Variants in FOXP1 observed in about 807,000 individuals in gnomAD.
FOXP1 encodes forkhead box protein P1.
FOXP1 carries 15 observed loss-of-function variants against 98.2 expected under a neutral mutation model. The observed-to-expected ratio is 0.15, with a 90% CI of 0.10 to 0.24. The LOEUF is 0.24. FOXP1 is among the 10% of genes least tolerant of loss of function. The probability of loss-of-function intolerance (pLI) is 1.00; values close to 1 mark genes in which losing one functional copy is unlikely to be tolerated. For synonymous variants in FOXP1, 371 were observed against 314.5 expected, an observed-to-expected ratio of 1.18 and a Z score of -1.90; for missense variants, 633 against 848.5, an observed-to-expected ratio of 0.75 and a Z score of 3.15.
At chr3:71,010,833 C>G (rs922225843) in intron 12 of FOXP1, among the ~76,000 whole-genome samples, 1 of 141,216 alleles carries the variant, frequency 7.1e-6, no homozygotes, top group African/African-American at 2.6e-5. Flanking sequence ...ATAACCCCCC[C>G]TCCCCCCCCA....
chr3:71,555,869 T>C (rs2046088944), intron 2 of FOXP1, among the ~76,000 whole-genome samples: 1 of 147,264 alleles, frequency 6.8e-6, no homozygotes, highest in East Asian at 2.0e-4. Flanking sequence ...TACACTGAAA[T>C]ACAATTAAGA....
chr3:70,993,892 A>G (rs938509710), intron 13 of FOXP1, among the ~76,000 whole-genome samples: 2 of 151,796 alleles, frequency 1.3e-5, no homozygotes, highest in African/African-American at 2.4e-5. Context: ...TACTTGGGAG[A>G]CTGAGTCAGG....
Position 71,401,633 on chromosome 3 carries a change from A to G in FOXP1, c.-167-42389T>C, listed in dbSNP as rs536653777. On this transcript the variant is annotated intron_variant, in intron 3 of 20. Coordinates refer to ENST00000649528, the MANE Select transcript of FOXP1 (RefSeq NM_001349338.3). Reference sequence around the variant, plus strand: ...TAGCCTCTTAAAAGGGATGCGGGAGAGAGCACATGAACAGGTCTGTATGCA... The same window carrying G: ...TAGCCTCTTAAAAGGGATGCGGGAGGGAGCACATGAACAGGTCTGTATGCA... Among the ~76,000 whole-genome samples the G allele has an allele frequency of 4.2e-4, 64 of 152,242 alleles. 1 individual carries two copies. The South Asian group carries it at 0.013, about 31-fold the overall frequency.
intron 5 of FOXP1, among the ~76,000 whole-genome samples, chr3:71,214,729 G>T (rs1171728091): frequency 6.6e-6 from 1 of 152,094 alleles, no homozygotes; most frequent in East Asian, 1.9e-4. Context: ...TGTTGATCAC[G>T]TTCTCCCCCA....
intron 3 of FOXP1, among the ~76,000 whole-genome samples, chr3:71,432,369 C>A (rs2084797276): frequency 6.6e-6 from 1 of 152,192 alleles, no homozygotes; most frequent in African/African-American, 2.4e-5. Flanking sequence ...CTTCCCCTTC[C>A]CTGCCTCACC....
chr3:71,353,947 T>C (rs1447898471), intron 4 of FOXP1, among the ~76,000 whole-genome samples: 1 of 152,168 alleles, frequency 6.6e-6, no homozygotes, highest in African/African-American at 2.4e-5. Context: ...ACTTTGGTTT[T>C]CTATCAAAAG....
At chr3:71,458,044 C>T (rs1163624452) in intron 3 of FOXP1, among the ~76,000 whole-genome samples, 5 of 152,136 alleles carry the variant, frequency 3.3e-5, no homozygotes, top group Admixed American at 3.3e-4. Context: ...CTCACAGAGG[C>T]ACAACTGTTC....
At chr3:71,345,351 G>A (rs1348103337) in intron 4 of FOXP1, among the ~76,000 whole-genome samples, 9 of 151,434 alleles carry the variant, frequency 5.9e-5, no homozygotes, top group African/African-American at 2.2e-4. Flanking sequence ...CTGTGCCACT[G>A]AACTCCAGCC....
At chr3:71,328,272 A>C (rs1223208241) in intron 4 of FOXP1, among the ~76,000 whole-genome samples, 2 of 152,118 alleles carry the variant, frequency 1.3e-5, no homozygotes, top group Non-Finnish European at 2.9e-5. Flanking sequence ...CTACCAAAGA[A>C]ATAAAAAATA....
chr3:71,537,943 G>C (rs988410232), intron 2 of FOXP1, among the ~76,000 whole-genome samples: 7 of 152,162 alleles, frequency 4.6e-5, no homozygotes, highest in African/African-American at 1.7e-4. Flanking sequence ...AGTTTTATTG[G>C]AACACAACCA....
intron 3 of FOXP1, among the ~76,000 whole-genome samples, chr3:71,368,559 T>C (rs2079075907): frequency 1.3e-5 from 2 of 151,392 alleles, no homozygotes; most frequent in African/African-American, 2.4e-5. Context: ...AAATAGGAAG[T>C]ATGCTTTATT....
chr3:71,563,668 C>CA (rs1482774913), intron 2 of FOXP1, among the ~76,000 whole-genome samples: 1 of 152,216 alleles, frequency 6.6e-6, no homozygotes, highest in African/African-American at 2.4e-5. Flanking sequence ...ATATATGTAA[C>CA]ACAGTCTCAA....
intron 3 of FOXP1, among the ~76,000 whole-genome samples, chr3:71,444,593 G>C (rs2086243239): frequency 6.6e-6 from 1 of 152,164 alleles, no homozygotes; most frequent in South Asian, 2.1e-4. Flanking sequence ...GGTTTAATTT[G>C]CTTCTTGCTG....
intron 6 of FOXP1, among the ~76,000 whole-genome samples, chr3:71,192,325 A>G (rs905322683): frequency 3.3e-5 from 5 of 152,220 alleles, no homozygotes; most frequent in Admixed American, 3.3e-4. Flanking sequence ...AACCTGCGTC[A>G]TTTCCCATAA....
intron 3 of FOXP1, among the ~76,000 whole-genome samples, chr3:71,398,928 T>C (rs1389124700): frequency 1.3e-5 from 2 of 152,234 alleles, no homozygotes; most frequent in African/African-American, 4.8e-5. Flanking sequence ...AAAGCTGGCA[T>C]AATTCTTGGG....
intron 3 of FOXP1, among the ~76,000 whole-genome samples, chr3:71,414,689 G>A (rs746874583): frequency 2.6e-5 from 4 of 152,344 alleles, no homozygotes; most frequent in South Asian, 4.1e-4. Flanking sequence ...GAGGACAAGC[G>A]GAGCCCTGGC....
At chr3:71,353,639 G>A (rs536172378) in intron 4 of FOXP1, among the ~76,000 whole-genome samples, 1 of 152,202 alleles carries the variant, frequency 6.6e-6, no homozygotes, top group African/African-American at 2.4e-5. Flanking sequence ...ATTAATAAAA[G>A]AAATGGCTAT....
Position 71,246,763 on chromosome 3 carries a change from G to A in FOXP1, c.-11-48371C>T, listed in dbSNP as rs111341675. Among the ~76,000 whole-genome samples the A allele has an allele frequency of 6.3e-3, 962 of 152,244 alleles. 8 individuals are homozygous for A. Among genetic ancestry groups the A allele is most frequent in the African/African-American group, 0.022 (916 of 41,548 alleles). ...TCAAAGATATGATGGCCAGTTCAGC[G>A]CGTCTTAGCACTCACCCAATAATAA... On this transcript the variant is annotated intron_variant, in intron 5 of 20. Transcript: ENST00000649528.
At chr3:71,354,073 G>C (rs985709244) in intron 4 of FOXP1, among the ~76,000 whole-genome samples, 6 of 151,114 alleles carry the variant, frequency 4.0e-5, no homozygotes, top group Non-Finnish European at 8.8e-5. Flanking sequence ...TTGGGAGGCT[G>C]AGATGAGCGG....
Sources: allele counts gnomAD v4.1 joint callset (sites outside exome capture counted in the v4.1 genomes callset), GRCh38; gene constraint gnomAD v4.1.1; transcripts MANE v1.5; gene names NCBI Gene and HGNC (gene_info 2026-07-23, HGNC 2026-07-21).